The following DDX60 variants were observed in gnomAD, a reference collection of about 807,000 sequenced individuals.
DDX60 encodes the protein probable ATP-dependent RNA helicase DDX60.
Under a neutral mutation model 212.8 loss-of-function variants are expected in DDX60, and 165 were observed. That is an observed-to-expected ratio of 0.78 (90% CI 0.68 to 0.88). The LOEUF is 0.88. Ranked by LOEUF, DDX60 falls within the 40% of genes least tolerant of loss-of-function variation. The probability of loss-of-function intolerance (pLI) is 0.00; values close to 1 mark genes in which losing one functional copy is unlikely to be tolerated. For synonymous variants in DDX60, 703 were observed against 685.3 expected (o/e 1.03, Z -0.40); for missense variants, 1,905 against 2,003.9 (o/e 0.95, Z 0.94).
At chr4:168,280,243 A>T in intron 14 of DDX60, 92 bp downstream of exon 14, 1 of 1,461,028 alleles carries the variant, frequency 6.8e-7, no homozygotes, top group Non-Finnish European at 9.3e-7. Context: ...TAAGTCTTCT[A>T]ATGCAAATTT....
chr4:168,297,402 A>C (rs77410371), intron 6 of DDX60, among the ~76,000 whole-genome samples: 5,454 of 146,674 alleles, frequency 0.037, 194 homozygotes, highest in Non-Finnish European at 0.043. Context: ...GAAAGAAAGA[A>C]AGACAATAAA....
upstream of DDX60, among the ~76,000 whole-genome samples, chr4:168,322,178 A>T (rs914154250): frequency 6.6e-6 from 1 of 152,214 alleles, no homozygotes; most frequent in African/African-American, 2.4e-5. Context: ...CATTAGAAAG[A>T]TAGTTTGTAC....
rs758667845 is a variant in DDX60, at chr4:168,284,944, CA to C, written c.1446-10del. 3.8e-5 allele frequency: 51 copies of C among 1,343,276 alleles called. No individual in the cohort carries two copies. Among genetic ancestry groups the C allele is most frequent in the South Asian group, 9.3e-5 (7 of 75,310 alleles). The allele number at this position is 1,343,276 out of a possible 1,614,324, so 83.2% of individuals were successfully genotyped here. A position where few individuals can be genotyped will look rare whatever the true frequency, so the allele number is the denominator to read the frequency against. ...TAACAATAGGATCATCACTGTGAGA[CA>C]AAAAAAGGCATATTTTAAATTGCAC... On this transcript the variant is annotated splice_polypyrimidine_tract_variant and intron_variant, in intron 11 of 37. Coordinates refer to ENST00000393743, the MANE Select transcript of DDX60 (RefSeq NM_017631.6).
At chr4:168,283,814 C>A (rs1028057340) in intron 12 of DDX60, among the ~76,000 whole-genome samples, 1 of 148,824 alleles carries the variant, frequency 6.7e-6, no homozygotes, top group Non-Finnish European at 1.5e-5. Context: ...CTTTCATGGT[C>A]TACCTCCTAA....
rs774525008 is a variant in DDX60 at position 168,287,216 on chromosome 4, T to C, written c.1184-13A>G. ...TTCAAATGTAGGCCTACATAACAAT[T>C]AAAAACACTAAATACTAGAAGCCAT... On this transcript the variant is annotated splice_polypyrimidine_tract_variant and intron_variant, in intron 9 of 37. Coordinates refer to ENST00000393743, the MANE Select transcript of DDX60 (RefSeq NM_017631.6). 3 of 1,591,242 alleles carry C rather than the reference T, an allele frequency of 1.9e-6. No individual in the cohort carries two copies. Among genetic ancestry groups the C allele is most frequent in the Admixed American group, 3.5e-5 (2 of 57,188 alleles).
intron 30 of DDX60, among the ~76,000 whole-genome samples, chr4:168,246,016 CT>C (rs1734008351): frequency 1.3e-5 from 2 of 152,022 alleles, no homozygotes; most frequent in Admixed American, 6.6e-5. Context: ...GTTTGAGTTA[CT>C]TTTTTTATGA....
intron 35 of DDX60, among the ~76,000 whole-genome samples, chr4:168,223,492 T>G (rs760311528): frequency 5.9e-5 from 9 of 152,038 alleles, no homozygotes; most frequent in African/African-American, 2.2e-4. Flanking sequence ...TGTTCTTAAC[T>G]TACTGACTAT....
intron 33 of DDX60, among the ~76,000 whole-genome samples, chr4:168,232,681 T>C (rs1733497572): frequency 6.6e-6 from 1 of 151,994 alleles, no homozygotes; most frequent in South Asian, 2.1e-4. Context: ...AACTGAATCC[T>C]TATCTCTCAC....
rs1733678403 is a variant in DDX60, at chr4:168,237,720, G to T, written c.4240C>A (p.Leu1414Met). ...TTCACCAGGAACTGCAAAGAAAACA[G>T]GAAGTAAAGTTTTAACATGTCCATG... ...RVMDMLKLYF[L>M]FSLQFLVKEG... is the part of the protein sequence containing the mutation. Residue 1414 changes from leucine to methionine, a missense_variant, in exon 31 of 38, where the codon CTG becomes ATG. By Grantham distance (15) the Leu-to-Met change is conservative. Coordinates refer to ENST00000393743, the MANE Select transcript of DDX60 (RefSeq NM_017631.6). 6.2e-7 allele frequency: 1 copy of T among 1,611,704 alleles called. No homozygotes were observed. The highest frequency in any genetic ancestry group is 8.5e-7 in the Non-Finnish European group (1 of 1,178,864).
rs532737652 is a variant in DDX60, at chr4:168,252,690, T to C, written c.3558-34A>G. 1.1e-5 allele frequency: 16 copies of C among 1,520,814 alleles called. No homozygotes were observed. The African/African-American group carries it at 1.4e-4, about 13-fold the overall frequency. The allele number at this position is 1,520,814 out of a possible 1,614,324, so 94.2% of individuals were successfully genotyped here. A position where few individuals can be genotyped will look rare whatever the true frequency, so the allele number is the denominator to read the frequency against. On this transcript the variant is annotated intron_variant, in intron 26 of 37. Transcript: ENST00000393743. ...AAAAATAAAATTTTAATTAATGAAATTGTAAATAATGAATGAAGTAATTAA... is the reference window on the plus strand; with the variant it reads ...AAAAATAAAATTTTAATTAATGAAACTGTAAATAATGAATGAAGTAATTAA...
intron 22 of DDX60, among the ~76,000 whole-genome samples, chr4:168,265,835 A>AGGAG (rs1734817017): frequency 2.2e-5 from 2 of 89,168 alleles, no homozygotes; most frequent in Non-Finnish European, 4.5e-5. Context: ...GAAGGAGGGA[A>AGGAG]GGAAGGGAAG....
At chr4:168,296,937 A>C (rs897177743) in intron 6 of DDX60, among the ~76,000 whole-genome samples, 1 of 146,046 alleles carries the variant, frequency 6.8e-6, no homozygotes, top group African/African-American at 2.6e-5. Flanking sequence ...CAGTGGCATG[A>C]TCTGGGCCCA....
At chr4:168,320,986 T>G (rs1327392573), upstream of DDX60, among the ~76,000 whole-genome samples, 1 of 152,196 alleles carries the variant, frequency 6.6e-6, no homozygotes, top group Non-Finnish European at 1.5e-5. Context: ...GATTTTTTTT[T>G]GCTTAAATTA....
intron 33 of DDX60, among the ~76,000 whole-genome samples, chr4:168,227,726 A>C (rs1733306543): frequency 6.6e-6 from 1 of 152,178 alleles, no homozygotes; most frequent in East Asian, 1.9e-4. Context: ...TAAGCACTGA[A>C]TAAATTCCAA....
At chr4:168,269,428 C>T (rs1734994132) in intron 19 of DDX60, among the ~76,000 whole-genome samples, 1 of 152,048 alleles carries the variant, frequency 6.6e-6, no homozygotes. Flanking sequence ...GAAACCCCGT[C>T]TCCACTAAGA....
At chr4:168,220,173 T>C (rs1051763905) in intron 37 of DDX60, among the ~76,000 whole-genome samples, 1 of 151,962 alleles carries the variant, frequency 6.6e-6, no homozygotes, top group African/African-American at 2.4e-5. Flanking sequence ...AAGGTGAAAA[T>C]AGGAGGCCAA....
rs149034282 is a variant in DDX60 at position 168,224,630 on chromosome 4, TAATC to T, written c.4682-249_4682-246del. On this transcript the variant is annotated intron_variant, in intron 34 of 37. Coordinates refer to ENST00000393743, the MANE Select transcript of DDX60 (RefSeq NM_017631.6). ...AATGTGTATTATATTTTAGTTGCCT[TAATC>T]AATAAGAAATGAAAGACTAAATTTA... Among the ~76,000 whole-genome samples, 1,045 of 152,168 alleles carry T rather than the reference TAATC, an allele frequency of 6.9e-3. 9 individuals are homozygous for T. The highest frequency in any genetic ancestry group is 0.023 in the African/African-American group (946 of 41,560).
chr4:168,279,684 G>A (rs1735505080), intron 14 of DDX60, among the ~76,000 whole-genome samples: 1 of 152,208 alleles, frequency 6.6e-6, no homozygotes, highest in Non-Finnish European at 1.5e-5. Context: ...TTGATAGAGA[G>A]AGATTTGCCA....
chr4:168,304,299 C>T (rs1024622319), intron 5 of DDX60, among the ~76,000 whole-genome samples: 1 of 152,098 alleles, frequency 6.6e-6, no homozygotes, highest in African/African-American at 2.4e-5. Context: ...ATGATCCTGA[C>T]CCTGTGTATG....
Sources: gnomAD v4.1 joint callset for allele counts (sites outside exome capture counted in the v4.1 genomes callset) on GRCh38, gnomAD v4.1.1 for gene constraint, MANE v1.5 for transcripts, NCBI Gene and HGNC (gene_info 2026-07-23, HGNC 2026-07-21) for gene names.